Variants in TMEM178B observed in about 807,000 individuals in gnomAD.
TMEM178B encodes transmembrane protein 178B.
TMEM178B carries 5 observed loss-of-function variants against 31.0 expected under a neutral mutation model. That is an observed-to-expected ratio of 0.16 (90% CI 0.08 to 0.34). The LOEUF is 0.34. TMEM178B is among the 10% of genes least tolerant of loss of function. TMEM178B has a pLI of 1.00. For synonymous variants in TMEM178B, 164 were observed against 164.0 expected (o/e 1.00, Z 0.00); for missense variants, 275 against 400.3 (o/e 0.69, Z 2.67).
chr7:141,187,891 T>C (rs1796636705), intron 1 of TMEM178B, among the ~76,000 whole-genome samples: 1 of 152,192 alleles, frequency 6.6e-6, no homozygotes, highest in Admixed American at 6.5e-5. Context: ...ATTCTGTAGG[T>C]TGCCTGTTCA....
chr7:141,081,858 C>G (rs1265894668), intron 1 of TMEM178B, among the ~76,000 whole-genome samples: 1 of 152,196 alleles, frequency 6.6e-6, no homozygotes, highest in Non-Finnish European at 1.5e-5. Flanking sequence ...CCACTCACCT[C>G]TCACTCACTG....
chr7:141,218,759 C>T (rs1797203942), intron 2 of TMEM178B, among the ~76,000 whole-genome samples: 1 of 152,176 alleles, frequency 6.6e-6, no homozygotes, highest in South Asian at 2.1e-4. Flanking sequence ...TAGACTCTCT[C>T]CAGCCACCCT....
intron 2 of TMEM178B, among the ~76,000 whole-genome samples, chr7:141,353,591 A>C (rs185273979): frequency 6.6e-6 from 1 of 152,340 alleles, no homozygotes; most frequent in East Asian, 1.9e-4. Context: ...TATGATACTC[A>C]AAACATACAC....
At chr7:141,111,967 C>A (rs1795240697) in intron 1 of TMEM178B, among the ~76,000 whole-genome samples, 3 of 152,088 alleles carry the variant, frequency 2.0e-5, no homozygotes, top group African/African-American at 4.8e-5. Context: ...TTGGCATTTC[C>A]TGACAAAGGC....
chr7:141,291,669 C>A (rs544900371), intron 2 of TMEM178B, among the ~76,000 whole-genome samples: 1 of 152,058 alleles, frequency 6.6e-6, no homozygotes, highest in Admixed American at 6.5e-5. Context: ...GAACCCTGTG[C>A]CGATTGTAGG....
chr7:141,082,195 A>G (rs1421324908), intron 1 of TMEM178B, among the ~76,000 whole-genome samples: 2 of 152,240 alleles, frequency 1.3e-5, no homozygotes, highest in African/African-American at 4.8e-5. Context: ...CCTGTTGTTC[A>G]GTGACATGTG....
chr7:141,228,280 A>G (rs1019275868), intron 2 of TMEM178B, among the ~76,000 whole-genome samples: 1 of 152,086 alleles, frequency 6.6e-6, no homozygotes, highest in Non-Finnish European at 1.5e-5. Context: ...TCCTTTTCTA[A>G]TCAAGTCCAA....
intron 2 of TMEM178B, among the ~76,000 whole-genome samples, chr7:141,269,013 G>A (rs1410683984): frequency 6.6e-6 from 1 of 152,058 alleles, no homozygotes; most frequent in East Asian, 1.9e-4. Context: ...AAGAGTTTCA[G>A]CAGGAAAATT....
chr7:141,229,100 G>GGGGTGTGTGT (rs1554465448), intron 2 of TMEM178B, among the ~76,000 whole-genome samples: 1 of 134,782 alleles, frequency 7.4e-6, no homozygotes, highest in Non-Finnish European at 1.6e-5. Flanking sequence ...GTGTGTGTGT[G>GGGGTGTGTGT]GTGTGTGTGT....
chr7:141,470,486 C>T, intron 3 of TMEM178B, 50 bp from the exon 4 acceptor site: 1 of 1,433,020 alleles, frequency 7.0e-7, no homozygotes, highest in Non-Finnish European at 9.2e-7. Flanking sequence ...CGCTCCTCTC[C>T]CCTTTCCTTC....
At chr7:141,190,278 T>C (rs1312968376) in intron 1 of TMEM178B, among the ~76,000 whole-genome samples, 1 of 152,148 alleles carries the variant, frequency 6.6e-6, no homozygotes, top group Non-Finnish European at 1.5e-5. Flanking sequence ...ACACAAGGCC[T>C]ATTTTATAAC....
At chr7:141,305,808 T>A (rs1798806930) in intron 2 of TMEM178B, among the ~76,000 whole-genome samples, 1 of 152,082 alleles carries the variant, frequency 6.6e-6, no homozygotes, top group Non-Finnish European at 1.5e-5. Context: ...CCTCTCCAGG[T>A]CTAAATCTTA....
chr7:141,082,593 G>A (rs1794704588), intron 1 of TMEM178B, among the ~76,000 whole-genome samples: 2 of 152,244 alleles, frequency 1.3e-5, no homozygotes, highest in South Asian at 4.1e-4. Context: ...CAACTAACCA[G>A]TGAGAGTCAG....
Position 141,437,594 on chromosome 7 carries a change from C to T in TMEM178B, c.497-14C>T. The T allele has an allele frequency of 6.5e-7, 1 of 1,535,842 alleles. No individual in the cohort carries two copies. Among genetic ancestry groups the T allele is most frequent in the Non-Finnish European group, 8.7e-7 (1 of 1,146,876 alleles). On this transcript the variant is annotated splice_polypyrimidine_tract_variant and intron_variant, in intron 2 of 3. Coordinates refer to ENST00000565468, the MANE Select transcript of TMEM178B (RefSeq NM_001195278.2). ...GGCTCTGCTGCTGACTGTTGCTCGC[C>T]TGCTTCCCCACAGACCTGCGCAGAA...
chr7:141,292,829 T>A (rs1309352741), intron 2 of TMEM178B, among the ~76,000 whole-genome samples: 4 of 151,732 alleles, frequency 2.6e-5, no homozygotes. Flanking sequence ...GTAGAGATGG[T>A]GTTTCACCAC....
the TMEM178B span, among the ~76,000 whole-genome samples, chr7:141,486,038 G>A: frequency 2.0e-5 from 3 of 152,326 alleles, no homozygotes; most frequent in South Asian, 6.2e-4. Flanking sequence ...GAATGTGGTG[G>A]TGCATATACC....
At chr7:141,161,122 TG>T (rs1350347086) in intron 1 of TMEM178B, among the ~76,000 whole-genome samples, 1 of 152,200 alleles carries the variant, frequency 6.6e-6, no homozygotes, top group Non-Finnish European at 1.5e-5. Flanking sequence ...CCCAAAGTGC[TG>T]GGATTACAGG....
downstream of TMEM178B, among the ~76,000 whole-genome samples, chr7:141,481,732 T>G (rs974111376): frequency 1.4e-4 from 21 of 151,982 alleles, no homozygotes; most frequent in Non-Finnish European, 2.2e-4. Flanking sequence ...GAAAAGAACT[T>G]GAAGAAATGG....
intron 2 of TMEM178B, among the ~76,000 whole-genome samples, chr7:141,268,492 A>AC (rs1278276720): frequency 1.3e-5 from 2 of 152,244 alleles, no homozygotes; most frequent in Non-Finnish European, 2.9e-5. Context: ...ATTGAAGAGT[A>AC]CCCGTGATTA....
Sources: allele counts gnomAD v4.1 joint callset (sites outside exome capture counted in the v4.1 genomes callset), GRCh38; gene constraint gnomAD v4.1.1; transcripts MANE v1.5; gene names NCBI Gene and HGNC (gene_info 2026-07-23, HGNC 2026-07-21).